The following SEMA3A variants were observed in gnomAD, a reference collection of about 807,000 sequenced individuals.
The protein encoded by SEMA3A is semaphorin-3A.
Under a neutral mutation model 97.9 loss-of-function variants are expected in SEMA3A, and 29 were observed. The observed-to-expected ratio is 0.30, with a 90% confidence interval of 0.22 to 0.40. The LOEUF (loss-of-function observed/expected upper bound fraction) is 0.40, where lower values mean the gene tolerates loss of function less well. Among genes scored for constraint, SEMA3A ranks in the 10% least tolerant of loss-of-function variants. SEMA3A has a pLI of 1.00. For missense variants in SEMA3A, 763 were observed against 951.3 expected, an observed-to-expected ratio of 0.80 and a Z score of 2.60; for synonymous variants, 321 against 323.7, an observed-to-expected ratio of 0.99 and a Z score of 0.09.
chr7:84,408,889 T>A (rs1300718433), intron 1 of SEMA3A, among the ~76,000 whole-genome samples: 1 of 151,538 alleles, frequency 6.6e-6, no homozygotes, highest in Non-Finnish European at 1.5e-5. Flanking sequence ...CACCGGGGAC[T>A]GTTGTGGGGT....
At chr7:84,344,903 A>T (rs1264421126) in intron 2 of SEMA3A, among the ~76,000 whole-genome samples, 2 of 152,196 alleles carry the variant, frequency 1.3e-5, no homozygotes, top group African/African-American at 4.8e-5. Context: ...GGCAAGGCAC[A>T]CACTGAAATA....
In SEMA3A at chr7:84,244,254, CT is replaced by C. The variant is rs1799430757; in HGVS notation, c.-82-49587del. 4.6e-5 allele frequency among the ~76,000 whole-genome samples: 7 copies of C among 152,200 alleles called. No homozygotes were observed. The South Asian group carries it at 1.5e-3, about 32-fold the overall frequency. On this transcript the variant is annotated intron_variant, in intron 3 of 3. Transcript: ENST00000424555. ...CTCTTTGTAGGTCTCTAAGAACTTG[CT>C]TTATGAGTCTGGGTGCTCCTGTATT...
chr7:84,016,619 A>G (rs1164887430), intron 6 of SEMA3A, among the ~76,000 whole-genome samples: 3 of 152,058 alleles, frequency 2.0e-5, no homozygotes, highest in East Asian at 3.9e-4. Flanking sequence ...GTCCTTTAAC[A>G]AGACTCTTCC....
intron 12 of SEMA3A, among the ~76,000 whole-genome samples, chr7:83,992,462 A>T (rs577713402): frequency 6.6e-6 from 1 of 150,990 alleles, no homozygotes; most frequent in South Asian, 2.1e-4. Context: ...ATTTAGTGCT[A>T]TAAATTTCCC....
chr7:84,119,276 T>C (rs1795527607), intron 3 of SEMA3A, among the ~76,000 whole-genome samples: 1 of 152,142 alleles, frequency 6.6e-6, no homozygotes, highest in Admixed American at 6.6e-5. Context: ...GATAGTACAG[T>C]ATATTTTGCA....
At chr7:84,093,869 A>G (rs1478704411) in intron 4 of SEMA3A, among the ~76,000 whole-genome samples, 1 of 151,966 alleles carries the variant, frequency 6.6e-6, no homozygotes, top group Non-Finnish European at 1.5e-5. Context: ...AAGTGCAGCA[A>G]ACCACCATGG....
rs1231204931 is a variant in SEMA3A at position 84,358,198 on chromosome 7, T to C, written c.-169+13626A>G. Among the ~76,000 whole-genome samples the C allele has an allele frequency of 2.0e-5, 3 of 152,212 alleles. No individual in the cohort carries two copies. The East Asian group carries it at 5.8e-4, about 29-fold the overall frequency. On this transcript the variant is annotated intron_variant, in intron 2 of 3. Coordinates refer to the SEMA3A transcript ENST00000424555. ...ACCATTGCTTTTGGTGCTTTAGACA[T>C]GAAGTCCTTGCCCATGCCTATGTCC... is the stretch of plus-strand genomic sequence containing the variant.
intron 3 of SEMA3A, among the ~76,000 whole-genome samples, chr7:84,273,937 T>C (rs1800219663): frequency 6.6e-6 from 1 of 152,010 alleles, no homozygotes; most frequent in Non-Finnish European, 1.5e-5. Flanking sequence ...CATAGTGCAT[T>C]CTCCAAAATT....
At chr7:84,271,862 C>A (rs1433551059) in intron 3 of SEMA3A, among the ~76,000 whole-genome samples, 1 of 152,078 alleles carries the variant, frequency 6.6e-6, no homozygotes, top group East Asian at 1.9e-4. Flanking sequence ...GTAAATATAA[C>A]AATTCTAATA....
chr7:84,173,985 G>A (rs573030480), intron 1 of SEMA3A, among the ~76,000 whole-genome samples: 26 of 152,246 alleles, frequency 1.7e-4, no homozygotes, highest in African/African-American at 4.1e-4. Context: ...TGATGCTAGC[G>A]CTGGGGAGCA....
At chr7:84,022,846 C>T (rs970950323) in intron 6 of SEMA3A, among the ~76,000 whole-genome samples, 2 of 152,188 alleles carry the variant, frequency 1.3e-5, no homozygotes, top group African/African-American at 2.4e-5. Flanking sequence ...ACAGATACCA[C>T]GGCCATTTTG....
At chr7:84,491,534 C>A (rs1479044896) in intron 1 of SEMA3A, among the ~76,000 whole-genome samples, 1 of 152,096 alleles carries the variant, frequency 6.6e-6, no homozygotes, top group East Asian at 1.9e-4. Context: ...ATTTGAGCAG[C>A]AAACACATTC....
intron 3 of SEMA3A, among the ~76,000 whole-genome samples, chr7:84,285,678 G>T (rs1448814543): frequency 6.6e-6 from 1 of 152,104 alleles, no homozygotes; most frequent in African/African-American, 2.4e-5. Flanking sequence ...AAGGCATGGT[G>T]GCTCATGCCT....
chr7:84,129,978 GACAGTGGATTCATCCCCCCA>G (rs890847763), intron 2 of SEMA3A, among the ~76,000 whole-genome samples: 4 of 151,990 alleles, frequency 2.6e-5, no homozygotes, highest in Non-Finnish European at 5.9e-5. Flanking sequence ...TGGCTTGGAG[GACAGTGGATTCATCCCCCCA>G]ACAATATTAA....
intron 2 of SEMA3A, among the ~76,000 whole-genome samples, chr7:84,314,722 T>C (rs984618745): frequency 3.9e-5 from 6 of 152,314 alleles, no homozygotes; most frequent in African/African-American, 1.4e-4. Context: ...GAAGATAGCA[T>C]ATCAGAGACA....
chr7:83,980,657 T>G (rs1584501227), intron 14 of SEMA3A, among the ~76,000 whole-genome samples: 2 of 126,330 alleles, frequency 1.6e-5, no homozygotes, highest in African/African-American at 2.9e-5. Flanking sequence ...CACACACATA[T>G]ACATATATAC....
At chr7:84,054,466 G>A (rs201077280) in intron 5 of SEMA3A, among the ~76,000 whole-genome samples, 21,389 of 151,744 alleles carry the variant, frequency 0.14, 1,751 homozygotes, top group East Asian at 0.37. Context: ...ATCTTCCATC[G>A]CTGATACCCT....
intron 6 of SEMA3A, among the ~76,000 whole-genome samples, chr7:84,028,529 AC>A (rs1584565723): frequency 6.6e-6 from 1 of 152,174 alleles, no homozygotes; most frequent in Non-Finnish European, 1.5e-5. Flanking sequence ...TCAATAGAAA[AC>A]TTTTTATAAT....
At chr7:84,334,737 T>G (rs1207841901) in intron 2 of SEMA3A, among the ~76,000 whole-genome samples, 2 of 150,188 alleles carry the variant, frequency 1.3e-5, no homozygotes, top group African/African-American at 4.9e-5. Flanking sequence ...TCTTCCCTCC[T>G]GTCTTGATCC....
Sources: gnomAD v4.1 joint callset for allele counts (sites outside exome capture counted in the v4.1 genomes callset) on GRCh38, gnomAD v4.1.1 for gene constraint, MANE v1.5 for transcripts, NCBI Gene and HGNC (gene_info 2026-07-23, HGNC 2026-07-21) for gene names.